FXR1: variants seen among roughly 807,000 people sequenced by gnomAD.
FXR1 encodes RNA-binding protein FXR1.
In FXR1, 15 loss-of-function variants were observed where a neutral mutation model predicts 84.0. That is an observed-to-expected ratio of 0.18 (90% CI 0.12 to 0.27). The LOEUF is 0.27. Among genes scored for constraint, FXR1 ranks in the 10% least tolerant of loss-of-function variants. The pLI, the probability that FXR1 is intolerant of heterozygous loss-of-function variation, is 1.00. For synonymous variants in FXR1, 245 were observed against 250.7 expected, an observed-to-expected ratio of 0.98 and a Z score of 0.21; for missense variants, 480 against 774.4, an observed-to-expected ratio of 0.62 and a Z score of 4.51.
At chr3:180,918,168 C>T (rs1328363445) in intron 1 of FXR1, among the ~76,000 whole-genome samples, 6 of 151,974 alleles carry the variant, frequency 3.9e-5, no homozygotes, top group African/African-American at 9.7e-5. Context: ...TTTTCTATGT[C>T]AGATATTTGT....
intron 7 of FXR1, 111 bp from the exon 8 acceptor site, chr3:180,951,187 C>T (rs1722203004): frequency 1.6e-6 from 1 of 645,112 alleles, no homozygotes. Context: ...CACGCCACTG[C>T]ACCCTAGCCT....
intron 15 of FXR1, among the ~76,000 whole-genome samples, chr3:180,973,571 AT>A (rs1280439507): frequency 4.6e-5 from 7 of 152,362 alleles, no homozygotes; most frequent in African/African-American, 1.4e-4. Flanking sequence ...AATAAAGTGG[AT>A]TATGACAATA....
In FXR1 at chr3:180,919,438, C is replaced by T. The variant is rs141102317; in HGVS notation, c.51+6702C>T. ...TAGCTGGGATTATAGCTGTGTGCCTCCACGCCCAGGCAATTTTTGTATTTT... is the reference window on the plus strand; with the variant it reads ...TAGCTGGGATTATAGCTGTGTGCCTTCACGCCCAGGCAATTTTTGTATTTT... On this transcript the variant is annotated intron_variant, in intron 1 of 16. Coordinates refer to ENST00000357559, the MANE Select transcript of FXR1 (RefSeq NM_005087.4). Among the ~76,000 whole-genome samples the T allele has an allele frequency of 1.8e-3, 266 of 151,564 alleles. 1 individual carries two copies. Among genetic ancestry groups the T allele is most frequent in the African/African-American group, 6.1e-3 (254 of 41,330 alleles).
Position 180,982,115 on chromosome 3 carries a change from A to C in FXR1, c.*5823A>C, listed in dbSNP as rs1468250446. ...ACTCAGGATCTGAGAAAGATCAGCC[A>C]TTCTCAGCATGTTGCCTTGGCTGCT... On this transcript the variant is annotated 3_prime_UTR_variant, in exon 17 of 17. Transcript: ENST00000357559. 1 of 152,064 alleles carries C rather than the reference A, an allele frequency of 6.6e-6. No individual in the cohort carries two copies. Among genetic ancestry groups the C allele is most frequent in the East Asian group, 1.9e-4 (1 of 5,190 alleles). 9.4% of individuals were successfully genotyped at this position (152,064 alleles called of 1,614,324 possible).
chr3:180,964,056 T>G (rs1712484812), intron 13 of FXR1, among the ~76,000 whole-genome samples: 1 of 152,222 alleles, frequency 6.6e-6, no homozygotes, highest in Non-Finnish European at 1.5e-5. Context: ...AAACCTGAAC[T>G]ATCTTCAATT....
At position 180,960,451 on chromosome 3, in the gene FXR1, A is replaced by G. The variant is rs1051586736; in HGVS notation, c.991-1017A>G. Among the ~76,000 whole-genome samples the G allele has an allele frequency of 3.3e-5, 5 of 152,164 alleles. No homozygotes were observed. The East Asian group carries it at 9.7e-4, about 29-fold the overall frequency. Reference sequence around the variant, plus strand: ...CTATCTAGTCTGTAAGTTTATAGACAGTTTGAAGGAAAATCGTTGTTTTTT... The same window carrying G: ...CTATCTAGTCTGTAAGTTTATAGACGGTTTGAAGGAAAATCGTTGTTTTTT... On this transcript the variant is annotated intron_variant, in intron 10 of 16. Transcript: ENST00000357559.
intron 13 of FXR1, among the ~76,000 whole-genome samples, chr3:180,965,546 G>C (rs1712710773): frequency 6.6e-6 from 1 of 152,164 alleles, no homozygotes; most frequent in South Asian, 2.1e-4. Flanking sequence ...AATCTTGTCA[G>C]CTGGGCTACG....
At chr3:180,944,897 A>G (rs760289400) in intron 3 of FXR1, among the ~76,000 whole-genome samples, 1 of 152,244 alleles carries the variant, frequency 6.6e-6, no homozygotes, top group Non-Finnish European at 1.5e-5. Context: ...TACTCGGATT[A>G]CGGGCGTGAG....
chr3:180,923,039 A>G (rs565006607), intron 1 of FXR1, among the ~76,000 whole-genome samples: 4 of 152,354 alleles, frequency 2.6e-5, no homozygotes, highest in African/African-American at 9.6e-5. Context: ...GTCTGTGCCC[A>G]GATTATACAT....
chr3:180,920,448 T>C (rs964636253), intron 1 of FXR1, among the ~76,000 whole-genome samples: 14 of 152,246 alleles, frequency 9.2e-5, no homozygotes, highest in Admixed American at 2.0e-4. Flanking sequence ...GTCACAAAAC[T>C]TTATGCATGC....
rs565644240 is a variant in FXR1 at position 180,953,581 on chromosome 3, AT to A, written c.802-172del. ...GACTGATTTGGGGTTTTTAAAAATG[AT>A]TTTTTTTTAAGTACTTTGTGAATCA... On this transcript the variant is annotated intron_variant, in intron 8 of 16. Transcript: ENST00000357559. Among the ~76,000 whole-genome samples, 157 of 151,794 alleles carry A rather than the reference AT, an allele frequency of 1.0e-3. 1 individual carries two copies. The highest frequency in any genetic ancestry group is 3.1e-3 in the African/African-American group (128 of 41,406).
At position 180,953,267 on chromosome 3, in the gene FXR1, T is replaced by C. The variant is rs534800107; in HGVS notation, c.802-495T>C. Among the ~76,000 whole-genome samples the C allele has an allele frequency of 8.5e-5, 13 of 152,356 alleles. 1 individual carries two copies. Among genetic ancestry groups the C allele is most frequent in the African/African-American group, 2.4e-4 (10 of 41,586 alleles). On this transcript the variant is annotated intron_variant, in intron 8 of 16. Transcript: ENST00000357559. ...TTAAAATTGTACTCATTAGAAATTA[T>C]GAATTTTGATAATCTTACCAGTAGG...
At chr3:180,945,017 A>C (rs1342446864) in intron 3 of FXR1, among the ~76,000 whole-genome samples, 1 of 152,246 alleles carries the variant, frequency 6.6e-6, no homozygotes, top group East Asian at 1.9e-4. Context: ...CAATGAATGC[A>C]GTTCTCTAAA....
At chr3:180,942,923 G>A (rs1251842066) in intron 3 of FXR1, among the ~76,000 whole-genome samples, 1 of 152,112 alleles carries the variant, frequency 6.6e-6, no homozygotes, top group African/African-American at 2.4e-5. Context: ...TCTTCATTTT[G>A]TATAGGATAT....
intron 1 of FXR1, among the ~76,000 whole-genome samples, chr3:180,917,115 C>T (rs759368877): frequency 3.9e-5 from 6 of 151,960 alleles, no homozygotes; most frequent in Non-Finnish European, 5.9e-5. Flanking sequence ...GGAATACAGG[C>T]GTGAGCCACC....
At position 180,970,147 on chromosome 3, in the gene FXR1, C is replaced by T. The variant is rs767208316; in HGVS notation, c.1403-11C>T. On this transcript the variant is annotated splice_polypyrimidine_tract_variant and intron_variant, in intron 14 of 16. Coordinates refer to ENST00000357559, the MANE Select transcript of FXR1 (RefSeq NM_005087.4). ...TTAAACGAATATTTCTTGCCTCTGA[C>T]ATGAATATAGTGCTCAAAGATCCAG... 4 of 1,495,580 alleles carry T rather than the reference C, an allele frequency of 2.7e-6. No individual in the cohort carries two copies. The highest frequency in any genetic ancestry group is 1.1e-5 in the South Asian group (1 of 88,732). 92.6% of individuals were successfully genotyped at this position (1,495,580 alleles called of 1,614,324 possible). A position where few individuals can be genotyped will look rare whatever the true frequency, so the allele number is the denominator to read the frequency against.
At chr3:180,951,679 T>C (rs1455411690) in intron 8 of FXR1, among the ~76,000 whole-genome samples, 1 of 152,224 alleles carries the variant, frequency 6.6e-6, no homozygotes, top group African/African-American at 2.4e-5. Flanking sequence ...TAATTAAATA[T>C]GTAGTTTTTT....
At chr3:180,971,204 A>T (rs1351878625) in intron 15 of FXR1, 1 of 619,976 alleles carries the variant, frequency 1.6e-6, no homozygotes, top group Admixed American at 4.1e-5. Context: ...GCATGAAAAA[A>T]ATGTCTATGT....
intron 9 of FXR1, among the ~76,000 whole-genome samples, chr3:180,956,706 T>A (rs80195864): frequency 6.6e-6 from 1 of 152,010 alleles, no homozygotes; most frequent in Non-Finnish European, 1.5e-5. Context: ...TTTTTTTTTT[T>A]AACATGTTCA....
Sources: allele counts gnomAD v4.1 joint callset (sites outside exome capture counted in the v4.1 genomes callset), GRCh38; gene constraint gnomAD v4.1.1; transcripts MANE v1.5; gene names NCBI Gene and HGNC (gene_info 2026-07-23, HGNC 2026-07-21).